Variants in SLCO3A1 observed in about 807,000 individuals in gnomAD.
SLCO3A1 encodes the protein PGE1 transporter.
A neutral mutation model predicts 63.1 loss-of-function variants in SLCO3A1; 27 were observed. The ratio of observed to expected loss-of-function variants is 0.43; its 90% CI spans 0.32 to 0.59. The LOEUF (loss-of-function observed/expected upper bound fraction) is 0.59. Ranked by LOEUF, SLCO3A1 falls within the 20% of genes least tolerant of loss-of-function variation. The probability of loss-of-function intolerance (pLI) is 0.09; values close to 1 mark genes in which losing one functional copy is unlikely to be tolerated. For synonymous variants in SLCO3A1, 473 were observed against 409.9 expected (o/e 1.15, Z -1.86); for missense variants, 773 against 945.8 (o/e 0.82, Z 2.40).
chr15:92,147,272 G>GGCCACAGCAAGGAGCGCAGCTTC, intron 8 of SLCO3A1, 113 bp downstream of exon 8: 1 of 1,077,746 alleles, frequency 9.3e-7, no homozygotes, highest in Admixed American at 2.4e-5. Flanking sequence ...GGTGAGCTAG[G>GGCCACAGCAAGGAGCGCAGCTTC]GCCACAGCAA....
In SLCO3A1 at chr15:91,872,752, C is replaced by A. The variant is rs1486392060; in HGVS notation, c.180+18664C>A. Among the ~76,000 whole-genome samples, 23 of 152,174 alleles carry A rather than the reference C, an allele frequency of 1.5e-4. No homozygotes were observed. The highest frequency in any genetic ancestry group is 1.5e-5 in the Non-Finnish European group (1 of 68,038). On this transcript the variant is annotated intron_variant, in intron 1 of 9. Transcript: ENST00000318445. The surrounding 1 kb of genome is among the most constrained non-coding windows in gnomAD (Gnocchi z 4.1). Reference sequence around the variant, plus strand: ...CACCTGTGAGAGAACACTGTTCTCACTCTCTCTTTTAAACTGAGGGAAAAG... The same window carrying A: ...CACCTGTGAGAGAACACTGTTCTCAATCTCTCTTTTAAACTGAGGGAAAAG...
At chr15:91,896,030 A>G (rs537698841) in intron 1 of SLCO3A1, among the ~76,000 whole-genome samples, 36 of 152,322 alleles carry the variant, frequency 2.4e-4, no homozygotes, top group African/African-American at 8.4e-4. Context: ...GCTCCTCTAA[A>G]GAAGCCTAAA....
At position 92,134,559 on chromosome 15, in the gene SLCO3A1, TTTGATA is replaced by T. The variant is rs540439596; in HGVS notation, c.1512+6071_1512+6076del. 1.2e-4 allele frequency among the ~76,000 whole-genome samples: 19 copies of T among 152,280 alleles called. No individual in the cohort carries two copies. The East Asian group carries it at 3.1e-3, about 25-fold the overall frequency. On this transcript the variant is annotated intron_variant, in intron 7 of 9. Transcript: ENST00000318445. Reference sequence around the variant, plus strand: ...AAATAATACATAGACAATAATCCCTTTTGATAAAGAAACATCTAAATATATGCATAT... The same window carrying T: ...AAATAATACATAGACAATAATCCCTTAAGAAACATCTAAATATATGCATAT...
At chr15:92,162,609 C>G in intron 9 of SLCO3A1, 147 bp from the exon 10 acceptor site, 2 of 1,307,578 alleles carry the variant, frequency 1.5e-6, no homozygotes, top group South Asian at 3.1e-5. Context: ...GACACAAACT[C>G]ATGCGCTTTG....
chr15:91,957,844 A>G (rs756559269), intron 2 of SLCO3A1, among the ~76,000 whole-genome samples: 3 of 152,208 alleles, frequency 2.0e-5, no homozygotes, highest in Admixed American at 6.5e-5. Flanking sequence ...TGTAAGCATC[A>G]TAAAGACGAG....
Position 92,089,634 on chromosome 15 carries a change from G to A in SLCO3A1, c.647-5247G>A, listed in dbSNP as rs192788456. The stretch of plus-strand genomic sequence containing the variant: ...GAAAGTCTTTCTAATAAGACAGGAA[G>A]CTTCTTGAGGGCAAAATTCTTGTCC... On this transcript the variant is annotated intron_variant, in intron 2 of 9. Coordinates refer to ENST00000318445, the MANE Select transcript of SLCO3A1 (RefSeq NM_013272.4). Among the ~76,000 whole-genome samples the A allele has an allele frequency of 2.7e-4, 41 of 152,288 alleles. No individual in the cohort carries two copies. In the East Asian group the frequency reaches 6.0e-3, roughly 22 times the overall value.
intron 9 of SLCO3A1, among the ~76,000 whole-genome samples, chr15:92,152,877 C>G (rs2048325418): frequency 6.6e-6 from 1 of 152,238 alleles, no homozygotes; most frequent in South Asian, 2.1e-4. Context: ...CCCTCCTCAT[C>G]TGTGGAGTTG....
intron 2 of SLCO3A1, among the ~76,000 whole-genome samples, chr15:92,009,260 A>G (rs2046344659): frequency 6.6e-6 from 1 of 152,184 alleles, no homozygotes. Context: ...TAGGATTGAA[A>G]TAAGCAAGAG....
intron 2 of SLCO3A1, among the ~76,000 whole-genome samples, chr15:92,031,577 A>G (rs1259189057): frequency 6.6e-6 from 1 of 152,138 alleles, no homozygotes; most frequent in East Asian, 1.9e-4. Context: ...CACTCTGTAG[A>G]AGTGTGGTAT....
At chr15:92,034,177 G>C (rs987375548) in intron 2 of SLCO3A1, among the ~76,000 whole-genome samples, 1 of 151,506 alleles carries the variant, frequency 6.6e-6, no homozygotes, top group African/African-American at 2.4e-5. Flanking sequence ...CCAGGAGAGG[G>C]ATCCTGGAGA....
intron 1 of SLCO3A1, among the ~76,000 whole-genome samples, chr15:91,906,365 A>G (rs1898308309): frequency 6.6e-6 from 1 of 152,122 alleles, no homozygotes; most frequent in Non-Finnish European, 1.5e-5. Flanking sequence ...CCCTGTTTTC[A>G]TAGTTGTTGT....
intron 7 of SLCO3A1, among the ~76,000 whole-genome samples, chr15:92,132,792 G>T (rs1048825919): frequency 2.8e-5 from 4 of 145,044 alleles, no homozygotes; most frequent in Admixed American, 6.9e-5. Context: ...TTCTGTGGCG[G>T]GGAGGAGGAC....
At chr15:92,080,394 T>C (rs1383470632) in intron 2 of SLCO3A1, among the ~76,000 whole-genome samples, 1 of 152,080 alleles carries the variant, frequency 6.6e-6, no homozygotes, top group Non-Finnish European at 1.5e-5. Flanking sequence ...CATGGAGTTT[T>C]TTTTTTTTTT....
intron 3 of SLCO3A1, chr15:92,098,049 C>T (rs2047561084): frequency 6.6e-6 from 1 of 152,344 alleles, no homozygotes; most frequent in Non-Finnish European, 1.5e-5. Context: ...CTGAAGTCCC[C>T]ACTGAGATTG....
chr15:92,117,181 C>T (rs1042405289), intron 4 of SLCO3A1, among the ~76,000 whole-genome samples: 2 of 152,178 alleles, frequency 1.3e-5, no homozygotes, highest in Non-Finnish European at 2.9e-5. Context: ...CCAAACAAAT[C>T]ATGATGACTC....
chr15:92,146,868 T>G, intron 7 of SLCO3A1, 116 bp from the exon 8 acceptor site: 1 of 936,098 alleles, frequency 1.1e-6, no homozygotes. Flanking sequence ...TCAGGCCTAA[T>G]TAATGGAATG....
chr15:92,090,898 G>C (rs577378770), intron 2 of SLCO3A1, among the ~76,000 whole-genome samples: 1 of 152,112 alleles, frequency 6.6e-6, no homozygotes. Flanking sequence ...CCATGAAGTC[G>C]ATCTATTGTT....
chr15:91,975,637 A>C (rs1284021256), intron 2 of SLCO3A1, among the ~76,000 whole-genome samples: 1 of 152,232 alleles, frequency 6.6e-6, no homozygotes, highest in South Asian at 2.1e-4. Flanking sequence ...TCTCCAGCAG[A>C]CAAGCTGCAT....
chr15:92,035,662 G>A (rs1411363642), intron 2 of SLCO3A1, among the ~76,000 whole-genome samples: 4 of 151,712 alleles, frequency 2.6e-5, no homozygotes, highest in African/African-American at 4.8e-5. Context: ...TTTAACACCC[G>A]TGGAGCCCCA....
Sources: allele counts gnomAD v4.1 joint callset (sites outside exome capture counted in the v4.1 genomes callset), GRCh38; gene constraint gnomAD v4.1.1; non-coding constraint Gnocchi (gnomAD v3.1); transcripts MANE v1.5; gene names NCBI Gene and HGNC (gene_info 2026-07-23, HGNC 2026-07-21).